Variants in CRADD observed in about 807,000 individuals in gnomAD.
The protein encoded by CRADD is death domain-containing protein CRADD.
A neutral mutation model predicts 15.5 loss-of-function variants in CRADD; 9 were observed. The observed-to-expected ratio is 0.58, with a 90% confidence interval of 0.35 to 1.01. CRADD has a LOEUF of 1.01. Ranked by LOEUF, CRADD falls within the 50% of genes least tolerant of loss-of-function variation. CRADD has a pLI of 0.02. For missense variants in CRADD, 227 were observed against 250.3 expected, an observed-to-expected ratio of 0.91 and a Z score of 0.63; for synonymous variants, 118 against 107.6, an observed-to-expected ratio of 1.10 and a Z score of -0.60.
At position 93,812,111 on chromosome 12, in the gene CRADD, G is replaced by A. The variant is rs765940409; in HGVS notation, c.299-37859G>A. ...AAAGATCAGTGATTGCCAGGCCTTCGGGGAAGGGAGTAAGGGATGAGTTGA... is the reference window on the plus strand; with the variant it reads ...AAAGATCAGTGATTGCCAGGCCTTCAGGGAAGGGAGTAAGGGATGAGTTGA... On this transcript the variant is annotated intron_variant, in intron 2 of 2. Coordinates refer to ENST00000332896, the MANE Select transcript of CRADD (RefSeq NM_003805.5). Among the ~76,000 whole-genome samples, 14 of 152,258 alleles carry A rather than the reference G, an allele frequency of 9.2e-5. No homozygotes were observed. The East Asian group carries it at 1.7e-3, about 19-fold the overall frequency.
At chr12:93,721,989 A>G (rs1331568915) in intron 2 of CRADD, among the ~76,000 whole-genome samples, 1 of 152,204 alleles carries the variant, frequency 6.6e-6, no homozygotes. Context: ...TCCTTCTCTC[A>G]AAAGAACTTC....
At chr12:93,729,292 A>G (rs2136907210) in intron 2 of CRADD, among the ~76,000 whole-genome samples, 1 of 152,380 alleles carries the variant, frequency 6.6e-6, no homozygotes, top group Middle Eastern at 3.4e-3. Context: ...TTGGGATTAC[A>G]TACTAGTCAT....
At chr12:93,791,901 T>G (rs1371826448) in intron 2 of CRADD, among the ~76,000 whole-genome samples, 1 of 151,372 alleles carries the variant, frequency 6.6e-6, no homozygotes, top group Non-Finnish European at 1.5e-5. Context: ...ATGGATTTTT[T>G]TTTTTTTTTT....
intron 1 of CRADD, among the ~76,000 whole-genome samples, chr12:93,678,436 T>C (rs1339616170): frequency 1.3e-5 from 2 of 152,200 alleles, no homozygotes; most frequent in African/African-American, 4.8e-5. Flanking sequence ...CTCTGTAATC[T>C]TCAGATAAAA....
At chr12:93,689,066 C>T (rs1955504283) in intron 2 of CRADD, among the ~76,000 whole-genome samples, 1 of 152,084 alleles carries the variant, frequency 6.6e-6, no homozygotes, top group Admixed American at 6.5e-5. Flanking sequence ...TGGAACAGAG[C>T]CCCTGAATCT....
At chr12:93,842,416 G>A (rs1050087824) in intron 2 of CRADD, among the ~76,000 whole-genome samples, 7 of 152,120 alleles carry the variant, frequency 4.6e-5, no homozygotes, top group Non-Finnish European at 1.0e-4. Context: ...TAGTGGAGAT[G>A]GTGAGTCGGG....
At chr12:93,842,880 G>A (rs1958065735) in intron 2 of CRADD, among the ~76,000 whole-genome samples, 1 of 152,122 alleles carries the variant, frequency 6.6e-6, no homozygotes, top group African/African-American at 2.4e-5. Context: ...CTTCATTGCA[G>A]TAAATGGGGT....
downstream of CRADD, among the ~76,000 whole-genome samples, chr12:93,855,699 C>G (rs1199796352): frequency 6.6e-6 from 1 of 152,208 alleles, no homozygotes; most frequent in Non-Finnish European, 1.5e-5. Context: ...ATAACAGTAC[C>G]CACCTATGGT....
chr12:93,687,380 T>C (rs2136805298), intron 2 of CRADD, among the ~76,000 whole-genome samples: 1 of 152,324 alleles, frequency 6.6e-6, no homozygotes, highest in Non-Finnish European at 1.5e-5. Context: ...GTTGCTCAGC[T>C]GTGGCTATGC....
chr12:93,835,800 A>T (rs1350105259), intron 2 of CRADD, among the ~76,000 whole-genome samples: 2 of 152,008 alleles, frequency 1.3e-5, no homozygotes, highest in African/African-American at 4.8e-5. Context: ...TGTTACTCTG[A>T]TATGTTACTC....
At chr12:93,750,149 A>G (rs886242407) in intron 2 of CRADD, among the ~76,000 whole-genome samples, 15 of 152,222 alleles carry the variant, frequency 9.9e-5, no homozygotes, top group Non-Finnish European at 1.8e-4. Flanking sequence ...CAATGTAGAA[A>G]GGAACTTCGG....
intron 2 of CRADD, among the ~76,000 whole-genome samples, chr12:93,816,335 G>A (rs953694528): frequency 1.3e-5 from 2 of 151,120 alleles, no homozygotes; most frequent in Non-Finnish European, 2.9e-5. Context: ...TCCTGCCTCA[G>A]CCTCCCAAGT....
intron 2 of CRADD, among the ~76,000 whole-genome samples, chr12:93,711,793 T>C (rs1003580870): frequency 5.3e-5 from 8 of 150,398 alleles, no homozygotes; most frequent in Non-Finnish European, 8.9e-5. Context: ...TCTCACTCTG[T>C]CCCCCAGGTT....
chr12:93,686,341 A>G (rs1435906623), intron 2 of CRADD, among the ~76,000 whole-genome samples: 2 of 151,028 alleles, frequency 1.3e-5, no homozygotes, highest in African/African-American at 2.4e-5. Context: ...GAAAATAATA[A>G]TGGTGTGAGG....
chr12:93,698,929 A>T (rs1210284002), intron 2 of CRADD, among the ~76,000 whole-genome samples: 1 of 152,212 alleles, frequency 6.6e-6, no homozygotes, highest in African/African-American at 2.4e-5. Context: ...GGGCAGAGTC[A>T]GGTAGCTGCA....
chr12:93,782,493 T>TA (rs574629823), intron 2 of CRADD, among the ~76,000 whole-genome samples: 3 of 146,342 alleles, frequency 2.0e-5, no homozygotes, highest in African/African-American at 5.1e-5. Context: ...AAAGTATAAT[T>TA]AAAAAAAACA....
At chr12:93,810,551 C>CAAAAAAAAA (rs56689824) in intron 2 of CRADD, among the ~76,000 whole-genome samples, 8 of 39,070 alleles carry the variant, frequency 2.0e-4, no homozygotes, top group Non-Finnish European at 3.2e-4. Flanking sequence ...AAATCAGTCT[C>CAAAAAAAAA]AAAAAAAAAA....
chr12:93,814,190 C>A (rs982686323), intron 2 of CRADD, among the ~76,000 whole-genome samples: 1 of 152,178 alleles, frequency 6.6e-6, no homozygotes, highest in African/African-American at 2.4e-5. Flanking sequence ...CAAACAGGAT[C>A]TAGTTTCTTG....
downstream of CRADD, among the ~76,000 whole-genome samples, chr12:93,853,587 C>T (rs182659067): frequency 2.8e-3 from 431 of 152,310 alleles, 2 homozygotes; most frequent in Middle Eastern, 0.014. Flanking sequence ...GAGCTGTTTA[C>T]GGCTCCCCTC....
Sources: gnomAD v4.1 joint callset for allele counts (sites outside exome capture counted in the v4.1 genomes callset) on GRCh38, gnomAD v4.1.1 for gene constraint, MANE v1.5 for transcripts, NCBI Gene and HGNC (gene_info 2026-07-23, HGNC 2026-07-21) for gene names.